The following KIFC3 variants were observed in gnomAD, a reference collection of about 807,000 sequenced individuals.
KIFC3 encodes kinesin family member C3.
KIFC3 carries 60 observed loss-of-function variants against 101.8 expected under a neutral mutation model. The observed-to-expected ratio is 0.59, with a 90% CI of 0.48 to 0.73. The LOEUF (loss-of-function observed/expected upper bound fraction) is 0.73, where lower values mean the gene tolerates loss of function less well. Among genes scored for constraint, KIFC3 ranks in the 30% least tolerant of loss-of-function variants. The probability of loss-of-function intolerance (pLI) is 0.00; values close to 1 mark genes in which losing one functional copy is unlikely to be tolerated. For synonymous variants in KIFC3, 476 were observed against 482.7 expected, an observed-to-expected ratio of 0.99 and a Z score of 0.18; for missense variants, 966 against 1,137.1, an observed-to-expected ratio of 0.85 and a Z score of 2.16.
At chr16:57,791,238 A>C (rs2053844581) in intron 3 of KIFC3, among the ~76,000 whole-genome samples, 1 of 152,190 alleles carries the variant, frequency 6.6e-6, no homozygotes, top group Admixed American at 6.5e-5. Flanking sequence ...TCAAAAAGAA[A>C]ATAGAAAATT....
At chr16:57,789,492 T>C (rs1158046984) in intron 3 of KIFC3, among the ~76,000 whole-genome samples, 1 of 152,158 alleles carries the variant, frequency 6.6e-6, no homozygotes, top group Non-Finnish European at 1.5e-5. Context: ...AAAACAGGCA[T>C]AGAGACAAAT....
chr16:57,804,094 C>T (rs782701725), upstream of KIFC3, among the ~76,000 whole-genome samples: 1 of 152,112 alleles, frequency 6.6e-6, no homozygotes, highest in Non-Finnish European at 1.5e-5. Flanking sequence ...GTCCTTCCCA[C>T]CAAAGCCAAA....
chr16:57,830,593 T>C (rs559155143), intron 1 of KIFC3: 1 of 152,326 alleles, frequency 6.6e-6, no homozygotes, highest in African/African-American at 2.4e-5. Context: ...GCCATGCTAA[T>C]CTTCTCTGTA....
intron 1 of KIFC3, among the ~76,000 whole-genome samples, chr16:57,835,778 T>A (rs1320522890): frequency 2.0e-5 from 3 of 152,126 alleles, no homozygotes; most frequent in Admixed American, 6.6e-5. Flanking sequence ...GGAGAAACCC[T>A]GTCTCTACTA....
chr16:57,779,122 C>T (rs2052440752), intron 3 of KIFC3, among the ~76,000 whole-genome samples: 1 of 152,130 alleles, frequency 6.6e-6, no homozygotes, highest in Non-Finnish European at 1.5e-5. Flanking sequence ...CAAAGAGATA[C>T]TTGTACACTC....
chr16:57,847,017 T>A (rs1320688960), intron 1 of KIFC3, among the ~76,000 whole-genome samples: 2 of 151,328 alleles, frequency 1.3e-5, no homozygotes, highest in Non-Finnish European at 2.9e-5. Context: ...AAACCCCATC[T>A]CTACTAAAAA....
At chr16:57,850,461 A>G (rs2056026602) in intron 1 of KIFC3, among the ~76,000 whole-genome samples, 1 of 141,434 alleles carries the variant, frequency 7.1e-6, no homozygotes, top group South Asian at 2.2e-4. Flanking sequence ...AAATTTTAAA[A>G]AGGGTTTTTT....
At chr16:57,803,180 A>T, upstream of KIFC3, 1 of 760,568 alleles carries the variant, frequency 1.3e-6, no homozygotes, top group South Asian at 1.5e-5. Context: ...AAGGTAAAAC[A>T]CACCAATGGT....
At chr16:57,816,737 G>A (rs1178298835) in intron 1 of KIFC3, 13 of 456,498 alleles carry the variant, frequency 2.8e-5, no homozygotes, top group South Asian at 1.1e-4. Context: ...TCAGGGATCC[G>A]TGGAAGTCAG....
At chr16:57,796,687 A>AT (rs1367374076) in intron 2 of KIFC3, among the ~76,000 whole-genome samples, 1 of 151,982 alleles carries the variant, frequency 6.6e-6, no homozygotes, top group Non-Finnish European at 1.5e-5. Context: ...ATAATACCCA[A>AT]TTTTTTCCTT....
intron 1 of KIFC3, among the ~76,000 whole-genome samples, chr16:57,850,057 A>G (rs932799623): frequency 7.9e-5 from 12 of 151,708 alleles, no homozygotes; most frequent in Non-Finnish European, 1.6e-4. Flanking sequence ...TCGTGCCATT[A>G]CACTTCAGCC....
chr16:57,860,237 T>A (rs111290304), intron 1 of KIFC3, among the ~76,000 whole-genome samples: 2,333 of 152,144 alleles, frequency 0.015, 57 homozygotes, highest in African/African-American at 0.052. Flanking sequence ...GTGGATAACC[T>A]GAAGTCAGGA....
chr16:57,847,530 T>A (rs1211437682), intron 1 of KIFC3, among the ~76,000 whole-genome samples: 1 of 151,768 alleles, frequency 6.6e-6, no homozygotes, highest in Non-Finnish European at 1.5e-5. Flanking sequence ...GTGTTAGGAG[T>A]GTTCCATGGA....
intron 1 of KIFC3, among the ~76,000 whole-genome samples, chr16:57,858,843 C>T (rs1248814333): frequency 2.6e-5 from 4 of 151,928 alleles, no homozygotes; most frequent in Non-Finnish European, 5.9e-5. Flanking sequence ...TCAGCTACTC[C>T]GGAGGCTGAG....
chr16:57,760,659 C>A, intron 16 of KIFC3, 67 bp downstream of exon 16: 1 of 1,413,066 alleles, frequency 7.1e-7, no homozygotes, highest in Non-Finnish European at 1.0e-6. Context: ...CCTGGGGTGA[C>A]TGGGTCTCAC....
rs782277491 is a variant in KIFC3, at chr16:57,771,617, G to T, written c.451C>A (p.Arg151=). Residue 151 remains arginine (R), a synonymous_variant, in exon 5 of 20, where the codon CGG becomes AGG. Transcript: ENST00000445690. Reference sequence around the variant, plus strand: ...TCTTGCAGCTCGGCCTCACAGCGCCGCATCTCCTGCCTCAGTCGCTCATTC... The same window carrying T: ...TCTTGCAGCTCGGCCTCACAGCGCCTCATCTCCTGCCTCAGTCGCTCATTC... ...VENERLRQEM[R]RCEAELQELR... 6.2e-7 allele frequency: 1 copy of T among 1,613,188 alleles called. No homozygotes were observed. Among genetic ancestry groups the T allele is most frequent in the East Asian group, 2.2e-5 (1 of 44,872 alleles).
At chr16:57,858,334 C>T (rs1226035263) in intron 1 of KIFC3, among the ~76,000 whole-genome samples, 2 of 152,128 alleles carry the variant, frequency 1.3e-5, no homozygotes, top group Non-Finnish European at 2.9e-5. Flanking sequence ...GGAGAAGAAG[C>T]CTTCCCTTCC....
intron 1 of KIFC3, among the ~76,000 whole-genome samples, chr16:57,837,410 G>C (rs1424389533): frequency 2.1e-4 from 32 of 151,706 alleles, no homozygotes; most frequent in Admixed American, 1.8e-3. Flanking sequence ...AGAGGTTGCA[G>C]TGAGCCAAGA....
chr16:57,815,573 C>T, intron 1 of KIFC3: 1 of 1,289,782 alleles, frequency 7.8e-7, no homozygotes, highest in African/African-American at 1.5e-5. Context: ...GCCTTAGTCA[C>T]CCTCACCAGG....
Sources: allele counts gnomAD v4.1 joint callset (sites outside exome capture counted in the v4.1 genomes callset), GRCh38; gene constraint gnomAD v4.1.1; transcripts MANE v1.5; gene names NCBI Gene and HGNC (gene_info 2026-07-23, HGNC 2026-07-21).